The following PIBF1 variants were observed in gnomAD, a reference collection of about 807,000 sequenced individuals.
The protein encoded by PIBF1 is progesterone-induced-blocking factor 1.
PIBF1 carries 90 observed loss-of-function variants against 112.5 expected under a neutral mutation model. The ratio of observed to expected loss-of-function variants is 0.80; its 90% CI spans 0.67 to 0.95. The LOEUF (loss-of-function observed/expected upper bound fraction) is 0.95. Among genes scored for constraint, PIBF1 ranks in the 40% least tolerant of loss-of-function variants. The pLI is 0.00. For synonymous variants in PIBF1, 301 were observed against 288.6 expected (o/e 1.04, Z -0.44); for missense variants, 915 against 852.3 (o/e 1.07, Z -0.92).
intron 14 of PIBF1, among the ~76,000 whole-genome samples, chr13:72,944,027 T>A (rs2042081909): frequency 6.6e-6 from 1 of 152,230 alleles, no homozygotes; most frequent in Non-Finnish European, 1.5e-5. Flanking sequence ...GTTCTAGAGT[T>A]TCATTTATTT....
intron 10 of PIBF1, among the ~76,000 whole-genome samples, chr13:72,891,085 C>A (rs1548324): frequency 0.74 from 111,799 of 151,904 alleles, 41,454 homozygotes; most frequent in South Asian, 0.8. Flanking sequence ...CTGTATTCTA[C>A]ATGTCTAAAT....
intron 9 of PIBF1, among the ~76,000 whole-genome samples, chr13:72,846,582 A>G (rs560912273): frequency 2.6e-4 from 40 of 152,246 alleles, no homozygotes; most frequent in African/African-American, 8.4e-4. Flanking sequence ...CAGTTATCCT[A>G]TCCTCATTTA....
chr13:72,968,957 G>C (rs915363897), intron 15 of PIBF1, among the ~76,000 whole-genome samples: 1 of 151,866 alleles, frequency 6.6e-6, no homozygotes, highest in Non-Finnish European at 1.5e-5. Context: ...GGGAGGATGA[G>C]TTGAGCCTGG....
intron 16 of PIBF1, among the ~76,000 whole-genome samples, chr13:72,987,853 T>TG (rs2043345728): frequency 1.2e-5 from 1 of 81,892 alleles, no homozygotes; most frequent in South Asian, 4.6e-4. Context: ...TTTATTTATT[T>TG]ATTTATTTTT....
At chr13:72,922,899 A>T (rs2041346623) in intron 13 of PIBF1, among the ~76,000 whole-genome samples, 1 of 152,184 alleles carries the variant, frequency 6.6e-6, no homozygotes, top group African/African-American at 2.4e-5. Flanking sequence ...TCATGTAACT[A>T]CAGATAATCA....
Position 72,854,056 on chromosome 13 carries a change from G to T in PIBF1, c.1224-1G>T. 1 of 1,598,830 alleles carries T rather than the reference G, an allele frequency of 6.3e-7. No homozygotes were observed. Among genetic ancestry groups the T allele is most frequent in the Non-Finnish European group, 8.6e-7 (1 of 1,166,698 alleles). On this transcript the variant is annotated splice_acceptor_variant, in intron 9 of 17. Transcript: ENST00000326291. LOFTEE classifies it high-confidence loss of function. Reference sequence around the variant, plus strand: ...AACTGAAATCCATGTTTAAAATTTAGAAATCTCCGAGAAGCAAGGGATAAT... The same window carrying T: ...AACTGAAATCCATGTTTAAAATTTATAAATCTCCGAGAAGCAAGGGATAAT...
chr13:72,958,378 A>G (rs920152098), intron 14 of PIBF1, among the ~76,000 whole-genome samples: 6 of 150,798 alleles, frequency 4.0e-5, no homozygotes, highest in Admixed American at 6.6e-5. Context: ...CTATAGTTCT[A>G]TCTACTTCAA....
chr13:72,863,494 G>GA lies in PIBF1; in HGVS notation c.1322+9353dup, dbSNP rs71099762. Among the ~76,000 whole-genome samples the GA allele has an allele frequency of 1.5e-3, 216 of 143,044 alleles. 1 individual carries two copies. The highest frequency in any genetic ancestry group is 3.7e-3 in the African/African-American group (142 of 38,822). 93.8% of individuals were successfully genotyped at this position (143,044 alleles called of 152,430 possible). ...GTGAAACCCCATCTCTACTAAAAAT[G>GA]AAAAAAAAAAAAAATTATCCAGGCG... On this transcript the variant is annotated intron_variant, in intron 10 of 17. Coordinates refer to ENST00000326291, the MANE Select transcript of PIBF1 (RefSeq NM_006346.4).
intron 9 of PIBF1, among the ~76,000 whole-genome samples, chr13:72,840,484 G>C (rs755586698): frequency 2.0e-5 from 3 of 150,362 alleles, no homozygotes; most frequent in Non-Finnish European, 4.4e-5. Context: ...ACTTACACTT[G>C]CATATTTATA....
chr13:72,892,804 A>G (rs528919158), intron 10 of PIBF1, among the ~76,000 whole-genome samples: 1 of 149,360 alleles, frequency 6.7e-6, no homozygotes, highest in South Asian at 2.1e-4. Flanking sequence ...ACACACACAC[A>G]CACACGCACA....
intron 9 of PIBF1, 129 bp downstream of exon 9, chr13:72,835,497 G>A (rs1344684462): frequency 5.0e-6 from 3 of 598,304 alleles, no homozygotes; most frequent in East Asian, 3.5e-5. Context: ...GTCATAAATT[G>A]AAATCTAAGT....
intron 8 of PIBF1, among the ~76,000 whole-genome samples, chr13:72,834,146 C>T (rs775500760): frequency 5.3e-5 from 8 of 152,136 alleles, no homozygotes; most frequent in South Asian, 2.1e-4. Context: ...AGTATGCTAA[C>T]GATTTCCTGT....
In PIBF1 at chr13:72,973,506, A is replaced by G. The variant is rs188131952; in HGVS notation, c.1965-85A>G. On this transcript the variant is annotated intron_variant, in intron 15 of 17. Coordinates refer to ENST00000326291, the MANE Select transcript of PIBF1 (RefSeq NM_006346.4). The stretch of plus-strand genomic sequence containing the variant: ...ATCTTTAGTTCAAACCATCAGATTC[A>G]TGTTTATTCTTTTAATATTTACCAT... The G allele has an allele frequency of 6.5e-4, 428 of 659,350 alleles. 1 individual carries two copies. The highest frequency in any genetic ancestry group is 7.9e-4 in the Non-Finnish European group (308 of 390,112). 40.8% of individuals were successfully genotyped at this position (659,350 alleles called of 1,614,324 possible).
At chr13:72,860,308 GGTGTGTGTGTGTGTGTGTGTGTGTGT>G (rs3219561) in intron 10 of PIBF1, among the ~76,000 whole-genome samples, 2 of 143,148 alleles carry the variant, frequency 1.4e-5, no homozygotes, top group African/African-American at 2.6e-5. Flanking sequence ...TTTTTTTAGG[GGTGTGTGTGTGTGTGTGTGTGTGTGT>G]GTGTGTGTGT....
At chr13:72,978,091 G>A (rs565367205) in intron 16 of PIBF1, among the ~76,000 whole-genome samples, 1 of 152,200 alleles carries the variant, frequency 6.6e-6, no homozygotes, top group South Asian at 2.1e-4. Context: ...AAATTCTCCA[G>A]GTTTTGTCCC....
At chr13:72,975,054 C>CTTTTT (rs568515289) in intron 16 of PIBF1, among the ~76,000 whole-genome samples, 1 of 136,060 alleles carries the variant, frequency 7.3e-6, no homozygotes, top group Admixed American at 7.5e-5. Context: ...GAAAAAGAAA[C>CTTTTT]TTTTTTTTTT....
intron 11 of PIBF1, among the ~76,000 whole-genome samples, chr13:72,897,301 G>A (rs915547941): frequency 6.6e-6 from 1 of 152,166 alleles, no homozygotes; most frequent in African/African-American, 2.4e-5. Flanking sequence ...GCTCAAAGGA[G>A]CTCTAAATCT....
intron 16 of PIBF1, among the ~76,000 whole-genome samples, chr13:72,998,359 C>A (rs1053203930): frequency 2.0e-5 from 3 of 151,962 alleles, no homozygotes; most frequent in Admixed American, 6.6e-5. Flanking sequence ...GCCTGTAGTC[C>A]CAGCTACTCA....
intron 11 of PIBF1, among the ~76,000 whole-genome samples, chr13:72,902,910 T>C (rs1034338956): frequency 6.6e-6 from 1 of 152,012 alleles, no homozygotes; most frequent in Non-Finnish European, 1.5e-5. Context: ...TCTTTTTTTT[T>C]TTTTTGAGAC....
Sources: allele counts gnomAD v4.1 joint callset (sites outside exome capture counted in the v4.1 genomes callset), GRCh38; gene constraint gnomAD v4.1.1; transcripts MANE v1.5; gene names NCBI Gene and HGNC (gene_info 2026-07-23, HGNC 2026-07-21).